Variants in EPHA7 observed in about 807,000 individuals in gnomAD.
EPHA7 encodes ephrin type-A receptor 7.
EPHA7 carries 25 observed loss-of-function variants against 112.6 expected under a neutral mutation model. That is an observed-to-expected ratio of 0.22 (90% confidence interval 0.16 to 0.31). The LOEUF (loss-of-function observed/expected upper bound fraction) is 0.31, where lower values mean the gene tolerates loss of function less well. EPHA7 is among the 10% of genes least tolerant of loss of function. The pLI, the probability that EPHA7 is intolerant of heterozygous loss-of-function variation, is 1.00. For synonymous variants in EPHA7, 437 were observed against 406.5 expected, an observed-to-expected ratio of 1.07 and a Z score of -0.90; for missense variants, 962 against 1,212.6, an observed-to-expected ratio of 0.79 and a Z score of 3.07.
chr6:93,388,629 G>C (rs116519435), intron 3 of EPHA7, among the ~76,000 whole-genome samples: 3 of 152,066 alleles, frequency 2.0e-5, no homozygotes, highest in Non-Finnish European at 2.9e-5. Flanking sequence ...TGACCAGCAC[G>C]ACTGTGGGCT....
At position 93,345,438 on chromosome 6, in the gene EPHA7, CTG is replaced by C. The variant is rs1447412784; in HGVS notation, c.1324+11277_1324+11278del. ...TTAAACAAGGCAAGCAGCTACATGA[CTG>C]TATGTACATCTCTGCCATGTATTTT... On this transcript the variant is annotated intron_variant, in intron 5 of 16. Transcript: ENST00000369303. 2.0e-5 allele frequency among the ~76,000 whole-genome samples: 3 copies of C among 151,740 alleles called. No homozygotes were observed. The East Asian group carries it at 5.8e-4, about 29-fold the overall frequency.
intron 3 of EPHA7, among the ~76,000 whole-genome samples, chr6:93,390,185 T>C (rs1022568458): frequency 6.7e-6 from 1 of 148,622 alleles, no homozygotes; most frequent in African/African-American, 2.5e-5. Flanking sequence ...AAATCTACAA[T>C]GTGGAATATT....
chr6:93,271,797 G>A (rs906568904), intron 6 of EPHA7, among the ~76,000 whole-genome samples: 4 of 151,840 alleles, frequency 2.6e-5, no homozygotes, highest in African/African-American at 9.6e-5. Flanking sequence ...GGAATTTAAA[G>A]GAGTGAAATA....
chr6:93,316,540 A>G (rs1302574001), intron 5 of EPHA7, among the ~76,000 whole-genome samples: 1 of 152,140 alleles, frequency 6.6e-6, no homozygotes, highest in Non-Finnish European at 1.5e-5. Flanking sequence ...ATTTCTGTGA[A>G]AACATCTATA....
chr6:93,251,709 A>G (rs891814741), intron 14 of EPHA7, among the ~76,000 whole-genome samples: 16 of 151,996 alleles, frequency 1.1e-4, no homozygotes, highest in Non-Finnish European at 2.4e-4. Context: ...AAATTCAGTT[A>G]AAAGATGGCT....
At chr6:93,315,933 A>C (rs547810179) in intron 5 of EPHA7, among the ~76,000 whole-genome samples, 13 of 152,306 alleles carry the variant, frequency 8.5e-5, no homozygotes, top group African/African-American at 3.1e-4. Context: ...TATGCACCCT[A>C]AACTATATAG....
At chr6:93,285,378 G>A (rs2127829364) in intron 5 of EPHA7, among the ~76,000 whole-genome samples, 1 of 152,266 alleles carries the variant, frequency 6.6e-6, no homozygotes, top group South Asian at 2.1e-4. Context: ...TTATGAATAA[G>A]TTTGGCTCCA....
intron 4 of EPHA7, among the ~76,000 whole-genome samples, chr6:93,357,490 C>A (rs164542): frequency 0.051 from 7,798 of 152,056 alleles, 282 homozygotes; most frequent in South Asian, 0.087. Flanking sequence ...TATAGCAATG[C>A]CTGAGATTGG....
intron 5 of EPHA7, among the ~76,000 whole-genome samples, chr6:93,335,371 G>C (rs1053001817): frequency 6.6e-6 from 1 of 151,960 alleles, no homozygotes; most frequent in East Asian, 1.9e-4. Flanking sequence ...TGTAATGTAA[G>C]TGTTTTGCCC....
At chr6:93,260,922 G>A (rs1218678276) in intron 9 of EPHA7, 1 of 181,164 alleles carries the variant, frequency 5.5e-6, no homozygotes. Flanking sequence ...AGATTGGCAG[G>A]CAGATGGAGA....
intron 3 of EPHA7, among the ~76,000 whole-genome samples, chr6:93,377,945 C>T (rs1001431933): frequency 4.6e-5 from 7 of 152,100 alleles, no homozygotes; most frequent in African/African-American, 1.7e-4. Context: ...AAAACAGACA[C>T]AGTTCCTGCC....
At chr6:93,368,686 T>C (rs1776634601) in intron 3 of EPHA7, among the ~76,000 whole-genome samples, 1 of 152,152 alleles carries the variant, frequency 6.6e-6, no homozygotes, top group African/African-American at 2.4e-5. Context: ...TCATCTTAAT[T>C]TCCTAAAATA....
intron 5 of EPHA7, among the ~76,000 whole-genome samples, chr6:93,290,591 C>T (rs1043560012): frequency 6.6e-6 from 1 of 152,162 alleles, no homozygotes; most frequent in African/African-American, 2.4e-5. Context: ...GAAGTAATTT[C>T]TCCTTTCTTT....
rs149369027 is a variant in EPHA7, at chr6:93,317,213, A to G, written c.1324+39504T>C. Among the ~76,000 whole-genome samples the G allele has an allele frequency of 3.3e-3, 508 of 152,288 alleles. 2 individuals are homozygous for G. Among genetic ancestry groups the G allele is most frequent in the African/African-American group, 0.012 (487 of 41,550 alleles). On this transcript the variant is annotated intron_variant, in intron 5 of 16. Transcript: ENST00000369303. ...TGTAAAATATTCTTGCAGAAATCCC[A>G]CAACTTTCTGGCTTTGGAATTTACT...
At chr6:93,391,296 C>T (rs1191409281) in intron 3 of EPHA7, among the ~76,000 whole-genome samples, 1 of 151,920 alleles carries the variant, frequency 6.6e-6, no homozygotes, top group South Asian at 2.1e-4. Context: ...ACTTCTGTGG[C>T]ATCTTTACTT....
At chr6:93,329,914 A>C (rs1320504536) in intron 5 of EPHA7, among the ~76,000 whole-genome samples, 3 of 151,244 alleles carry the variant, frequency 2.0e-5, no homozygotes, top group Non-Finnish European at 4.4e-5. Flanking sequence ...GAACAAGAAT[A>C]CTAATTAATT....
chr6:93,283,613 C>G lies in EPHA7; in HGVS notation c.1325-11191G>C, dbSNP rs529184742. Among the ~76,000 whole-genome samples the G allele has an allele frequency of 3.3e-5, 5 of 152,230 alleles. No individual in the cohort carries two copies. In the East Asian group the frequency reaches 9.7e-4, roughly 29 times the overall value. On this transcript the variant is annotated intron_variant, in intron 5 of 16. Transcript: ENST00000369303. ...GCACTGCCTTAAGAGCTGTAACACT[C>G]ACCGCGAAGGTCTGCAGCTTCACTC...
At chr6:93,334,534 T>A (rs1774761681) in intron 5 of EPHA7, among the ~76,000 whole-genome samples, 1 of 152,100 alleles carries the variant, frequency 6.6e-6, no homozygotes. Context: ...GAACTTAAAC[T>A]AATTTTATAT....
chr6:93,390,685 C>A (rs886650092), intron 3 of EPHA7, among the ~76,000 whole-genome samples: 2 of 151,566 alleles, frequency 1.3e-5, no homozygotes, highest in Non-Finnish European at 2.9e-5. Context: ...TTATACTATT[C>A]TATTTTCCTG....
Sources: allele counts gnomAD v4.1 joint callset (sites outside exome capture counted in the v4.1 genomes callset), GRCh38; gene constraint gnomAD v4.1.1; transcripts MANE v1.5; gene names NCBI Gene and HGNC (gene_info 2026-07-23, HGNC 2026-07-21).